The following DNAH9 variants were observed in gnomAD, a reference collection of about 807,000 sequenced individuals.
DNAH9 encodes dynein axonemal heavy chain 9.
Under a neutral mutation model 471.6 loss-of-function variants are expected in DNAH9, and 345 were observed. The observed-to-expected ratio is 0.73, with a 90% confidence interval of 0.67 to 0.80. The LOEUF (loss-of-function observed/expected upper bound fraction) is 0.80, where lower values mean the gene tolerates loss of function less well. Among genes scored for constraint, DNAH9 ranks in the 30% least tolerant of loss-of-function variants. DNAH9 has a pLI of 0.00. For synonymous variants in DNAH9, 2,093 were observed against 2,123.6 expected (o/e 0.99, Z 0.40); for missense variants, 5,407 against 5,609.2 (o/e 0.96, Z 1.15).
At chr17:11,929,520 T>G (rs749507737) in intron 62 of DNAH9, among the ~76,000 whole-genome samples, 1 of 152,166 alleles carries the variant, frequency 6.6e-6, no homozygotes, top group Non-Finnish European at 1.5e-5. Context: ...TTTAAAAACA[T>G]TATGCTGGAA....
intron 67 of DNAH9, among the ~76,000 whole-genome samples, chr17:11,959,449 TATCAC>T (rs1416179622): frequency 6.6e-6 from 1 of 152,216 alleles, no homozygotes. Flanking sequence ...AGCAATGAAT[TATCAC>T]ATAACTACAG....
intron 27 of DNAH9, among the ~76,000 whole-genome samples, chr17:11,727,067 AAAAAAAAAAAC>A: frequency 6.7e-6 from 1 of 149,770 alleles, no homozygotes; most frequent in African/African-American, 2.5e-5. Flanking sequence ...AAAAAAAAAA[AAAAAAAAAAAC>A]CCGCTGAATA....
intron 41 of DNAH9, among the ~76,000 whole-genome samples, chr17:11,785,503 C>T (rs1284363773): frequency 1.3e-5 from 2 of 152,122 alleles, no homozygotes; most frequent in African/African-American, 2.4e-5. Flanking sequence ...CAGGTTGTTC[C>T]AGCCTGAACT....
chr17:11,826,362 G>GT (rs1970490217), intron 48 of DNAH9, among the ~76,000 whole-genome samples: 1 of 150,372 alleles, frequency 6.7e-6, no homozygotes, highest in Admixed American at 6.7e-5. Context: ...GGAAGCTGGG[G>GT]GGGTAATTTT....
At chr17:11,704,151 G>A in intron 24 of DNAH9, 52 bp from the exon 25 acceptor site, 1 of 1,605,434 alleles carries the variant, frequency 6.2e-7, no homozygotes, top group Non-Finnish European at 8.5e-7. Context: ...TGAGTGGGTT[G>A]GTTGGAAACA....
At chr17:11,691,094 A>G (rs966212084) in intron 20 of DNAH9, among the ~76,000 whole-genome samples, 2 of 152,196 alleles carry the variant, frequency 1.3e-5, no homozygotes, top group Admixed American at 6.5e-5. Context: ...TTCTTTGCTT[A>G]CAAATTAGCT....
intron 61 of DNAH9, among the ~76,000 whole-genome samples, chr17:11,910,290 AGAAAT>A (rs1265220433): frequency 2.0e-5 from 3 of 152,132 alleles, no homozygotes; most frequent in Non-Finnish European, 4.4e-5. Context: ...GACATTTCAT[AGAAAT>A]GAAATCATAT....
At position 11,816,478 on chromosome 17, in the gene DNAH9, A is replaced by G. The variant is rs553588037; in HGVS notation, c.8708-5442A>G. ...ACTACTATTGGACATGTGCTTTGGA[A>G]AGTTTTCCAGCAGTGAAGACAAAGG... On this transcript the variant is annotated intron_variant, in intron 45 of 68. Transcript: ENST00000262442. Among the ~76,000 whole-genome samples the G allele has an allele frequency of 2.0e-5, 3 of 152,324 alleles. No homozygotes were observed. The South Asian group carries it at 6.2e-4, about 32-fold the overall frequency.
In DNAH9 at chr17:11,937,235, CA is replaced by C; in HGVS notation, c.12490-116del. On this transcript the variant is annotated intron_variant, in intron 65 of 68. Coordinates refer to ENST00000262442, the MANE Select transcript of DNAH9 (RefSeq NM_001372.4). This position sits in a 1 kb window ranked among gnomAD's most constrained non-coding sequence, Gnocchi z 4.1. ...GATGAAGTCAACCAGGGATGGTGAG[CA>C]GTGTCCCCTGGAGGAGGGATACTAG... 3.3e-6 allele frequency: 4 copies of C among 1,230,600 alleles called. No homozygotes were observed. Among genetic ancestry groups the C allele is most frequent in the South Asian group, 1.8e-5 (1 of 56,528 alleles). The allele number at this position is 1,230,600 out of a possible 1,614,324, so 76.2% of individuals were successfully genotyped here.
chr17:11,610,361 T>C, intron 2 of DNAH9, 35 bp from the exon 3 acceptor site: 1 of 1,592,068 alleles, frequency 6.3e-7, no homozygotes, highest in Non-Finnish European at 8.6e-7. Flanking sequence ...TTTTTGTTTT[T>C]GTTGTTATCA....
intron 29 of DNAH9, among the ~76,000 whole-genome samples, chr17:11,740,065 CCTT>C (rs1335883332): frequency 6.6e-6 from 1 of 152,124 alleles, no homozygotes; most frequent in Non-Finnish European, 1.5e-5. Flanking sequence ...GGGGCCTTCT[CCTT>C]CTTCAGCCAG....
At chr17:11,940,386 G>A (rs1345739967) in intron 66 of DNAH9, among the ~76,000 whole-genome samples, 1 of 152,142 alleles carries the variant, frequency 6.6e-6, no homozygotes, top group East Asian at 1.9e-4. Context: ...ACCTCCAGAC[G>A]ATCTTTTCGT....
In DNAH9 at chr17:11,651,320, A is replaced by G. The variant is rs773379021; in HGVS notation, c.2349A>G (p.Thr783=). The G allele has an allele frequency of 1.9e-6, 3 of 1,612,162 alleles. No individual in the cohort carries two copies. The highest frequency in any genetic ancestry group is 2.5e-6 in the Non-Finnish European group (3 of 1,179,360). ...RAAEETLNWK[T]EGICDYVTEI... The stretch of plus-strand genomic sequence containing the variant: ...CAGAGGAGACTTTGAACTGGAAAAC[A>G]GAAGGTAACAGGGCACCATCTGAAG... The change falls in exon 13 of 69, where the codon ACA becomes ACG. Residue 783 remains threonine (T), a synonymous_variant. Coordinates refer to ENST00000262442, the MANE Select transcript of DNAH9 (RefSeq NM_001372.4).
intron 9 of DNAH9, among the ~76,000 whole-genome samples, chr17:11,637,618 A>G (rs1456642119): frequency 2.0e-5 from 3 of 152,160 alleles, no homozygotes; most frequent in East Asian, 1.9e-4. Context: ...TAAATAAGAA[A>G]GAAATAAAAT....
intron 30 of DNAH9, among the ~76,000 whole-genome samples, chr17:11,744,019 G>A (rs1220448922): frequency 1.3e-5 from 2 of 151,938 alleles, no homozygotes; most frequent in Non-Finnish European, 1.5e-5. Flanking sequence ...CAGTAGAGAC[G>A]AGGTTTCACC....
At chr17:11,729,710 G>A (rs553952634) in intron 28 of DNAH9, among the ~76,000 whole-genome samples, 11 of 152,288 alleles carry the variant, frequency 7.2e-5, no homozygotes, top group African/African-American at 2.2e-4. Context: ...CATCCCTGGC[G>A]GGGAAAGATG....
At chr17:11,823,565 C>T (rs949758985) in intron 48 of DNAH9, among the ~76,000 whole-genome samples, 2 of 152,208 alleles carry the variant, frequency 1.3e-5, no homozygotes, top group South Asian at 4.1e-4. Context: ...CTCAATTTTT[C>T]AAAAAGCCCT....
intron 1 of DNAH9, among the ~76,000 whole-genome samples, chr17:11,602,665 A>G (rs892383817): frequency 6.6e-6 from 1 of 152,116 alleles, no homozygotes; most frequent in Non-Finnish European, 1.5e-5. Context: ...ATATGTGGTT[A>G]TTTCCAAAGA....
chr17:11,833,439 A>G (rs1477460770), intron 48 of DNAH9, among the ~76,000 whole-genome samples: 1 of 152,216 alleles, frequency 6.6e-6, no homozygotes, highest in Non-Finnish European at 1.5e-5. Flanking sequence ...CAGAAAAGTG[A>G]AAAAACTTTA....
Sources: allele counts gnomAD v4.1 joint callset (sites outside exome capture counted in the v4.1 genomes callset), GRCh38; gene constraint gnomAD v4.1.1; non-coding constraint Gnocchi (gnomAD v3.1); transcripts MANE v1.5; gene names NCBI Gene and HGNC (gene_info 2026-07-23, HGNC 2026-07-21).